The following ANKFN1 variants were observed in gnomAD, a reference collection of about 807,000 sequenced individuals.
ANKFN1 encodes the protein ankyrin repeat and fibronectin type III domain containing 1, also known as ankyrin repeat and fibronectin type-III domain-containing protein 1.
In ANKFN1, 74 loss-of-function variants were observed where a neutral mutation model predicts 108.7. That is an observed-to-expected ratio of 0.68 (90% CI 0.56 to 0.83). ANKFN1 has a LOEUF of 0.83. Among genes scored for constraint, ANKFN1 ranks in the 40% least tolerant of loss-of-function variants. The pLI, the probability that ANKFN1 is intolerant of heterozygous loss-of-function variation, is 0.00. For synonymous variants in ANKFN1, 547 were observed against 516.2 expected (o/e 1.06, Z -0.81); for missense variants, 1,505 against 1,382.3 (o/e 1.09, Z -1.41).
intron 2 of ANKFN1, among the ~76,000 whole-genome samples, chr17:56,221,983 T>A (rs747727240): frequency 6.6e-6 from 1 of 152,146 alleles, no homozygotes; most frequent in African/African-American, 2.4e-5. Flanking sequence ...TGGAAACTTG[T>A]AAGAAATGCA....
rs571331193 is a variant in ANKFN1, at chr17:56,393,978, G to A, written c.910+19264G>A. On this transcript the variant is annotated intron_variant, in intron 8 of 20. Transcript: ENST00000682825. ...TCATGATGTATCAGGTAGTGCACAA[G>A]CCTCTGAGTATGCAGCAATGAACAG... Among the ~76,000 whole-genome samples the A allele has an allele frequency of 2.0e-5, 3 of 152,306 alleles. No individual in the cohort carries two copies. In the South Asian group the frequency reaches 6.2e-4, roughly 32 times the overall value.
chr17:56,136,382 T>G (rs750867811), intron 4 of ANKFN1, among the ~76,000 whole-genome samples: 2 of 152,104 alleles, frequency 1.3e-5, no homozygotes, highest in African/African-American at 4.8e-5. Flanking sequence ...CTAGAGACAG[T>G]GTTGAAGAGA....
In ANKFN1 at chr17:56,480,853, A is replaced by G. The variant is rs772495598; in HGVS notation, c.2091+35A>G. ...TTTACCATTTTTATCTTCTTTTTTT[A>G]TGGCTCATGGAAACTGCATTGTAAC... On this transcript the variant is annotated intron_variant, in intron 17 of 20. Transcript: ENST00000682825. 19 of 1,594,558 alleles carry G rather than the reference A, an allele frequency of 1.2e-5. No individual in the cohort carries two copies. In the South Asian group the frequency reaches 2.0e-4, roughly 17 times the overall value.
chr17:56,511,343 C>A lies in ANKFN1; in HGVS notation c.*74C>A. 1 of 1,339,846 alleles carries A rather than the reference C, an allele frequency of 7.5e-7. No homozygotes were observed. The highest frequency in any genetic ancestry group is 1.0e-6 in the Non-Finnish European group (1 of 1,004,846). 83.0% of individuals were successfully genotyped at this position (1,339,846 alleles called of 1,614,324 possible). A position where few individuals can be genotyped will look rare whatever the true frequency, so the allele number is the denominator to read the frequency against. On this transcript the variant is annotated 3_prime_UTR_variant, in exon 21 of 21. Coordinates refer to ENST00000682825, the MANE Select transcript of ANKFN1 (RefSeq NM_001370326.1). ...TACATCACCCTTACCCCCATCCTGC[C>A]CCACTGTGTACCCACTCATTTTCAA... is the stretch of plus-strand genomic sequence containing the variant.
intron 4 of ANKFN1, among the ~76,000 whole-genome samples, chr17:56,057,085 T>G (rs1281744954): frequency 6.6e-6 from 1 of 152,236 alleles, no homozygotes; most frequent in African/African-American, 2.4e-5. Context: ...AACCACTTTC[T>G]TTGCTCATGC....
At position 56,181,563 on chromosome 17, in the gene ANKFN1, C is replaced by T. The variant is rs530755889; in HGVS notation, c.-71+28033C>T. On this transcript the variant is annotated intron_variant, in intron 1 of 20. Coordinates refer to ENST00000682825, the MANE Select transcript of ANKFN1 (RefSeq NM_001370326.1). Reference sequence around the variant, plus strand: ...AGTTAAGCTCAGGTAGGCTGGCTTTCGAGGATGAATTTCCAATCATCCATT... The same window carrying T: ...AGTTAAGCTCAGGTAGGCTGGCTTTTGAGGATGAATTTCCAATCATCCATT... 9.2e-5 allele frequency among the ~76,000 whole-genome samples: 14 copies of T among 152,262 alleles called. No individual in the cohort carries two copies. The South Asian group carries it at 2.1e-3, about 23-fold the overall frequency.
At chr17:56,185,088 G>A (rs1912063380) in intron 1 of ANKFN1, 1 of 152,134 alleles carries the variant, frequency 6.6e-6, no homozygotes, top group African/African-American at 2.4e-5. Context: ...ATCAATCTCT[G>A]TCCACGTAGT....
rs1182865864 is a variant in ANKFN1, at chr17:56,090,936, T to C, written c.288+44611T>C. 5.3e-5 allele frequency among the ~76,000 whole-genome samples: 8 copies of C among 151,208 alleles called. 1 individual carries two copies. The highest frequency in any genetic ancestry group is 1.7e-4 in the African/African-American group (7 of 41,178). ...CGTTTGCTTTAATTTGAATATATTATACCAATACCAACGTGGTGTTTGCAA... is the reference window on the plus strand; with the variant it reads ...CGTTTGCTTTAATTTGAATATATTACACCAATACCAACGTGGTGTTTGCAA... On this transcript the variant is annotated intron_variant, in intron 4 of 12. Coordinates refer to the ANKFN1 transcript ENST00000635860.
chr17:56,450,931 G>C (rs921013293), intron 11 of ANKFN1, among the ~76,000 whole-genome samples: 10 of 152,188 alleles, frequency 6.6e-5, no homozygotes, highest in Admixed American at 4.6e-4. Flanking sequence ...TCCAACTTCT[G>C]TCATGTATAT....
chr17:56,088,812 C>A lies in ANKFN1; in HGVS notation c.288+42487C>A, dbSNP rs1178225890. Among the ~76,000 whole-genome samples, 3 of 151,320 alleles carry A rather than the reference C, an allele frequency of 2.0e-5. 1 individual carries two copies. Among genetic ancestry groups the A allele is most frequent in the Non-Finnish European group, 4.4e-5 (3 of 67,720 alleles). ...TCCCCCTTGAGAAGAGGAATGATAA[C>A]CTCTCACTTCAACCCCTGTATACCT... On this transcript the variant is annotated intron_variant, in intron 4 of 12. Coordinates refer to the ANKFN1 transcript ENST00000635860.
At chr17:56,176,238 C>A (rs77419126) in intron 1 of ANKFN1, among the ~76,000 whole-genome samples, 1 of 151,970 alleles carries the variant, frequency 6.6e-6, no homozygotes, top group Non-Finnish European at 1.5e-5. Flanking sequence ...GAATGGCAAT[C>A]GCTTGGTTCA....
intron 4 of ANKFN1, among the ~76,000 whole-genome samples, chr17:56,147,923 C>T (rs973791668): frequency 2.0e-5 from 3 of 152,168 alleles, no homozygotes; most frequent in African/African-American, 7.2e-5. Context: ...CTACCCTCTG[C>T]TGGATCCTTC....
intron 3 of ANKFN1, among the ~76,000 whole-genome samples, chr17:56,319,353 A>G (rs1439099016): frequency 6.6e-6 from 1 of 152,214 alleles, no homozygotes; most frequent in African/African-American, 2.4e-5. Context: ...ATCAAATCCT[A>G]GAGTATTAAC....
chr17:56,239,548 A>G (rs972858146), intron 3 of ANKFN1, among the ~76,000 whole-genome samples: 1 of 152,172 alleles, frequency 6.6e-6, no homozygotes, highest in South Asian at 2.1e-4. Context: ...GCTAAAATAC[A>G]TATTTTTTAA....
chr17:56,231,164 T>C (rs549256713), intron 3 of ANKFN1, among the ~76,000 whole-genome samples: 8 of 152,278 alleles, frequency 5.3e-5, no homozygotes, highest in African/African-American at 1.4e-4. Flanking sequence ...TCATTTTTTT[T>C]CCTGTATTCA....
intron 3 of ANKFN1, among the ~76,000 whole-genome samples, chr17:56,302,328 C>T (rs2044692859): frequency 6.6e-6 from 1 of 151,948 alleles, no homozygotes; most frequent in Admixed American, 6.6e-5. Context: ...AGTTTGAGAC[C>T]AGTCTGGGCA....
At chr17:56,338,760 T>A (rs1162072444) in intron 4 of ANKFN1, among the ~76,000 whole-genome samples, 1 of 152,012 alleles carries the variant, frequency 6.6e-6, no homozygotes, top group Non-Finnish European at 1.5e-5. Flanking sequence ...GCAAGAATCA[T>A]ATAGTGCATT....
intron 18 of ANKFN1, among the ~76,000 whole-genome samples, chr17:56,486,606 CCT>C (rs1568042439): frequency 6.6e-6 from 1 of 152,122 alleles, no homozygotes; most frequent in East Asian, 1.9e-4. Context: ...TGGTCCTAAG[CCT>C]CTCTAAGAAG....
At chr17:56,381,175 C>G (rs2047092251) in intron 8 of ANKFN1, among the ~76,000 whole-genome samples, 1 of 152,194 alleles carries the variant, frequency 6.6e-6, no homozygotes, top group Admixed American at 6.5e-5. Context: ...CCCAGGCAGA[C>G]AGGGTCTGGA....
Sources: gnomAD v4.1 joint callset for allele counts (sites outside exome capture counted in the v4.1 genomes callset) on GRCh38, gnomAD v4.1.1 for gene constraint, MANE v1.5 for transcripts, NCBI Gene and HGNC (gene_info 2026-07-23, HGNC 2026-07-21) for gene names.